MYO1A: variants seen among roughly 807,000 people sequenced by gnomAD.
MYO1A encodes myosin IA.
Under a neutral mutation model 138.5 loss-of-function variants are expected in MYO1A, and 127 were observed. That is an observed-to-expected ratio of 0.92 (90% CI 0.79 to 1.06). MYO1A has a LOEUF of 1.06. Among genes scored for constraint, MYO1A ranks in the 50% least tolerant of loss-of-function variants. The pLI is 0.00. For synonymous variants in MYO1A, 477 were observed against 497.5 expected, an observed-to-expected ratio of 0.96 and a Z score of 0.55; for missense variants, 1,211 against 1,288.8, an observed-to-expected ratio of 0.94 and a Z score of 0.92.
At chr12:57,039,124 C>G (rs2136447343) in intron 15 of MYO1A, 88 bp downstream of exon 15, 1 of 1,546,924 alleles carries the variant, frequency 6.5e-7, no homozygotes, top group South Asian at 1.1e-5. Context: ...CTGTCCCTAC[C>G]AAGTGGGGAA....
chr12:57,046,684 G>GC, intron 7 of MYO1A, 34 bp from the exon 8 acceptor site: 1 of 1,584,848 alleles, frequency 6.3e-7, no homozygotes, highest in Non-Finnish European at 8.7e-7. Context: ...TATCCTGAGG[G>GC]CCTGGGAGAT....
rs770057780 is a variant in MYO1A at position 57,038,501 on chromosome 12, G to C, written c.1671C>G (p.Leu557=). 1 of 1,614,224 alleles carries C rather than the reference G, an allele frequency of 6.2e-7. No individual in the cohort carries two copies. Among genetic ancestry groups the C allele is most frequent in the Admixed American group, 1.7e-5 (1 of 60,036 alleles). ...FPEGNPKQAS[L]KRPPTAGAQF... ...GGGCCCCAGCAGTCGGGGGGCGTTT[G>C]AGAGATGCCTGCTTAGGATTGCCCT... Residue 557 remains leucine, a synonymous_variant, in exon 17 of 28, where the codon CTC becomes CTG. Coordinates refer to ENST00000300119, the MANE Select transcript of MYO1A (RefSeq NM_005379.4).
Position 57,037,547 on chromosome 12 carries a change from C to CTGTG in MYO1A, c.2055_2055+1insCACA (p.Leu686HisfsTer168), listed in dbSNP as rs768059368. 3 of 1,613,926 alleles carry CTGTG rather than the reference C, an allele frequency of 1.9e-6. No homozygotes were observed. The highest frequency in any genetic ancestry group is 1.1e-5 in the South Asian group (1 of 91,074). ...AAATGCTAATGCACTCTCTAACTCACAGTCTTGGGGCTTCTAATGAAGATC... is the reference window on the plus strand; with the variant it reads ...AAATGCTAATGCACTCTCTAACTCACTGTGAGTCTTGGGGCTTCTAATGAAGATC... On this transcript the variant is annotated frameshift_variant and splice_region_variant. Coordinates refer to ENST00000300119, the MANE Select transcript of MYO1A (RefSeq NM_005379.4). LOFTEE classifies it high-confidence loss of function.
At position 57,043,899 on chromosome 12, in the gene MYO1A, G is replaced by GA. The variant is rs1337317611; in HGVS notation, c.848dup (p.Gln284ProfsTer12). 1.2e-6 allele frequency: 2 copies of GA among 1,613,960 alleles called. No individual in the cohort carries two copies. Among genetic ancestry groups the GA allele is most frequent in the African/African-American group, 2.7e-5 (2 of 74,892 alleles). Reference sequence around the variant, plus strand: ...CACTTGCTGGTATCCCACTGGCCTGGAACTCATCAGCCACCAACACGTTCC... The same window carrying GA: ...CACTTGCTGGTATCCCACTGGCCTGGAAACTCATCAGCCACCAACACGTTCC... On this transcript the variant is annotated frameshift_variant, in exon 10 of 28. Coordinates refer to ENST00000300119, the MANE Select transcript of MYO1A (RefSeq NM_005379.4). LOFTEE classifies it high-confidence loss of function.
rs199765645 is a variant in MYO1A, at chr12:57,043,408, G to A, written c.893-50C>T. On this transcript the variant is annotated intron_variant, in intron 10 of 27. Coordinates refer to ENST00000300119, the MANE Select transcript of MYO1A (RefSeq NM_005379.4). ...TGTCCTTAGAGGCAGCTTTCTCTCA[G>A]GGGAGGGAGTGCAATCTGATAAGTG... 7.5e-5 allele frequency: 117 copies of A among 1,554,650 alleles called. No individual in the cohort carries two copies. The Admixed American group carries it at 8.7e-4, about 12-fold the overall frequency.
chr12:57,030,744 G>C (rs1229578780), intron 23 of MYO1A, among the ~76,000 whole-genome samples: 1 of 152,200 alleles, frequency 6.6e-6, no homozygotes, highest in Admixed American at 6.5e-5. Context: ...AGATATCAGG[G>C]GCTAGGGGAA....
Position 57,041,220 on chromosome 12 carries a change from C to T in MYO1A, c.1233G>A (p.Met411Ile). Reference sequence around the variant, plus strand: ...ATTCCTCTTGCTCTTCTTTCAGGGTCATCTCTATGAACACCTGCTGCAGCT... The same window carrying T: ...ATTCCTCTTGCTCTTCTTTCAGGGTTATCTCTATGAACACCTGCTGCAGCT... The part of the protein sequence containing the change: ...NEKLQQVFIE[M>I]TLKEEQEEYK... Residue 411 changes from methionine to isoleucine, a missense_variant, in exon 14 of 28, where the codon ATG becomes ATA. Transcript: ENST00000300119. 3.1e-6 allele frequency: 5 copies of T among 1,613,754 alleles called. No individual in the cohort carries two copies. The highest frequency in any genetic ancestry group is 4.2e-6 in the Non-Finnish European group (5 of 1,180,000).
At chr12:57,045,342 C>G (rs1427765919) in intron 8 of MYO1A, among the ~76,000 whole-genome samples, 1 of 152,008 alleles carries the variant, frequency 6.6e-6, no homozygotes, top group African/African-American at 2.4e-5. Context: ...GAGTATCCCT[C>G]AAACTATAGT....
At position 57,031,831 on chromosome 12, in the gene MYO1A, TCAGTTA is replaced by T. The variant is rs1305251248; in HGVS notation, c.2350-663_2350-658del. Among the ~76,000 whole-genome samples the T allele has an allele frequency of 1.3e-5, 2 of 151,946 alleles. 1 individual carries two copies. Among genetic ancestry groups the T allele is most frequent in the East Asian group, 3.9e-4 (2 of 5,188 alleles). ...CGGTCAAAAATCCAATCAGCGGAGG[TCAGTTA>T]CAATTTGCTCCAGCCTCTGTCCAAG... On this transcript the variant is annotated intron_variant, in intron 22 of 27. Coordinates refer to ENST00000300119, the MANE Select transcript of MYO1A (RefSeq NM_005379.4).
Sources: allele counts gnomAD v4.1 joint callset (sites outside exome capture counted in the v4.1 genomes callset), GRCh38; gene constraint gnomAD v4.1.1; transcripts MANE v1.5; gene names NCBI Gene and HGNC (gene_info 2026-07-23, HGNC 2026-07-21).